Variants in GKAP1 observed in about 807,000 individuals in gnomAD.
GKAP1 encodes the protein G kinase-anchoring protein 1.
GKAP1 carries 31 observed loss-of-function variants against 56.7 expected under a neutral mutation model. The observed-to-expected ratio is 0.55, with a 90% confidence interval of 0.41 to 0.74. GKAP1 has a LOEUF of 0.74. GKAP1 is among the 30% of genes least tolerant of loss of function. The pLI is 0.00. For synonymous variants in GKAP1, 151 were observed against 138.6 expected (o/e 1.09, Z -0.63); for missense variants, 364 against 402.3 (o/e 0.90, Z 0.82).
chr9:83,775,032 G>A (rs972048193), intron 7 of GKAP1, among the ~76,000 whole-genome samples: 83 of 146,756 alleles, frequency 5.7e-4, no homozygotes, highest in African/African-American at 2.0e-3. Context: ...TTTAAGAGAT[G>A]AAGTCTCACT....
chr9:83,783,256 T>C (rs139775829), intron 6 of GKAP1, among the ~76,000 whole-genome samples: 120 of 152,308 alleles, frequency 7.9e-4, no homozygotes, highest in African/African-American at 2.6e-3. Flanking sequence ...AATGAACAAA[T>C]AGCTGTTCAT....
intron 6 of GKAP1, among the ~76,000 whole-genome samples, chr9:83,784,072 C>T (rs1455810115): frequency 6.6e-6 from 1 of 150,838 alleles, no homozygotes; most frequent in Non-Finnish European, 1.5e-5. Context: ...TGAGACCACC[C>T]TGGGCAAGAT....
intron 7 of GKAP1, among the ~76,000 whole-genome samples, chr9:83,771,148 AC>A (rs1943753181): frequency 6.6e-6 from 1 of 151,576 alleles, no homozygotes; most frequent in South Asian, 2.1e-4. Flanking sequence ...TACAACCCTC[AC>A]CCCTTTAGGT....
chr9:83,812,629 C>T (rs1369288601), intron 2 of GKAP1, among the ~76,000 whole-genome samples: 1 of 150,586 alleles, frequency 6.6e-6, no homozygotes, highest in Non-Finnish European at 1.5e-5. Flanking sequence ...AATGAGCCAC[C>T]ATGCCCGGCT....
chr9:83,800,743 C>A (rs1052608839), intron 3 of GKAP1, among the ~76,000 whole-genome samples: 7 of 152,206 alleles, frequency 4.6e-5, no homozygotes, highest in African/African-American at 9.7e-5. Context: ...TTGTACCAAT[C>A]GCCCAGTTTT....
intron 2 of GKAP1, among the ~76,000 whole-genome samples, chr9:83,810,597 TGCAAAAG>T (rs1158010514): frequency 6.6e-6 from 1 of 152,166 alleles, no homozygotes; most frequent in Admixed American, 6.5e-5. Context: ...ATGTCAGTAA[TGCAAAAG>T]GCAAATGGCA....
At position 83,812,344 on chromosome 9, in the gene GKAP1, C is replaced by T. The variant is rs563491295; in HGVS notation, c.-44+4652G>A. On this transcript the variant is annotated intron_variant, in intron 2 of 12. Coordinates refer to ENST00000376371, the MANE Select transcript of GKAP1 (RefSeq NM_025211.4). ...ATATATACACACGTATATATATACA[C>T]GTATATATATATATATTTTTTTTTA... Among the ~76,000 whole-genome samples, 11 of 146,706 alleles carry T rather than the reference C, an allele frequency of 7.5e-5. No individual in the cohort carries two copies. In the South Asian group the frequency reaches 1.7e-3, roughly 23 times the overall value.
intron 8 of GKAP1, among the ~76,000 whole-genome samples, chr9:83,757,076 A>G (rs1053365827): frequency 2.0e-5 from 3 of 152,218 alleles, no homozygotes; most frequent in African/African-American, 4.8e-5. Flanking sequence ...GTGCAGTGTG[A>G]AATGTGCAGT....
intron 7 of GKAP1, among the ~76,000 whole-genome samples, chr9:83,779,612 TACAC>T (rs10546262): frequency 0.066 from 8,342 of 127,220 alleles, 472 homozygotes; most frequent in African/African-American, 0.12. Context: ...TATACACATA[TACAC>T]ACACACACAC....
chr9:83,781,285 C>A (rs967122101), intron 6 of GKAP1, among the ~76,000 whole-genome samples: 3 of 152,214 alleles, frequency 2.0e-5, no homozygotes, highest in African/African-American at 7.2e-5. Context: ...ATTGCTTGAA[C>A]CCAGGAGGCG....
In GKAP1 at chr9:83,805,372, T is replaced by C. The variant is rs529630510; in HGVS notation, c.216+930A>G. On this transcript the variant is annotated intron_variant, in intron 3 of 12. Coordinates refer to ENST00000376371, the MANE Select transcript of GKAP1 (RefSeq NM_025211.4). ...TCTGCCTAGGAAAACCAGAAACCTTTGTTCACTTGTTTATCTGCCGACCTT... is the reference window on the plus strand; with the variant it reads ...TCTGCCTAGGAAAACCAGAAACCTTCGTTCACTTGTTTATCTGCCGACCTT... Among the ~76,000 whole-genome samples, 33 of 152,170 alleles carry C rather than the reference T, an allele frequency of 2.2e-4. No homozygotes were observed. The East Asian group carries it at 5.8e-3, about 27-fold the overall frequency.
intron 9 of GKAP1, among the ~76,000 whole-genome samples, chr9:83,751,622 A>T (rs929710270): frequency 3.3e-5 from 5 of 152,102 alleles, no homozygotes; most frequent in East Asian, 1.9e-4. Context: ...AACTTGATTT[A>T]TTTTTTTTCA....
chr9:83,774,701 C>CTTTTTTTTTT (rs1564199151), intron 7 of GKAP1, among the ~76,000 whole-genome samples: 1 of 100,942 alleles, frequency 9.9e-6, no homozygotes, highest in Non-Finnish European at 2.0e-5. Context: ...ACAGAAACCC[C>CTTTTTTTTTT]CTTTTTTTTT....
At chr9:83,766,213 G>A (rs1395808366) in intron 8 of GKAP1, among the ~76,000 whole-genome samples, 1 of 152,166 alleles carries the variant, frequency 6.6e-6, no homozygotes, top group Non-Finnish European at 1.5e-5. Flanking sequence ...CTGCCACCCT[G>A]TGAAGAGGTG....
At chr9:83,804,753 G>A (rs1451198595) in intron 3 of GKAP1, among the ~76,000 whole-genome samples, 4 of 148,864 alleles carry the variant, frequency 2.7e-5, no homozygotes, top group East Asian at 2.1e-4. Flanking sequence ...CAGCCACCCC[G>A]TCCGGGAGGT....
At chr9:83,803,839 G>A (rs1322779727) in intron 3 of GKAP1, among the ~76,000 whole-genome samples, 1 of 151,266 alleles carries the variant, frequency 6.6e-6, no homozygotes, top group African/African-American at 2.4e-5. Flanking sequence ...ATCCCATCTG[G>A]GAAGTGAGGA....
rs767757263 is a variant in GKAP1, at chr9:83,739,754, A to C, written c.1054-10T>G. On this transcript the variant is annotated splice_polypyrimidine_tract_variant and intron_variant, in intron 12 of 12. Coordinates refer to ENST00000376371, the MANE Select transcript of GKAP1 (RefSeq NM_025211.4). Reference sequence around the variant, plus strand: ...TCCCTTTTCTGCCACCCTGTAAAAAAAAAAAAAAATAGGGAAAATTATTTA... The same window carrying C: ...TCCCTTTTCTGCCACCCTGTAAAAACAAAAAAAAATAGGGAAAATTATTTA... 52 of 1,605,600 alleles carry C rather than the reference A, an allele frequency of 3.2e-5. No homozygotes were observed. Among genetic ancestry groups the C allele is most frequent in the Non-Finnish European group, 4.1e-5 (48 of 1,176,356 alleles).
At chr9:83,765,456 A>T (rs1272102779) in intron 8 of GKAP1, among the ~76,000 whole-genome samples, 1 of 152,162 alleles carries the variant, frequency 6.6e-6, no homozygotes, top group Non-Finnish European at 1.5e-5. Context: ...TGCCTAGCAG[A>T]GCTATGAGAA....
intron 5 of GKAP1, among the ~76,000 whole-genome samples, chr9:83,786,636 T>C (rs189803767): frequency 4.6e-5 from 7 of 152,264 alleles, no homozygotes; most frequent in Admixed American, 4.6e-4. Flanking sequence ...GCTAAAACAA[T>C]TGTATTAAAA....
Sources: allele counts gnomAD v4.1 joint callset (sites outside exome capture counted in the v4.1 genomes callset), GRCh38; gene constraint gnomAD v4.1.1; transcripts MANE v1.5; gene names NCBI Gene and HGNC (gene_info 2026-07-23, HGNC 2026-07-21).